ADAM23: variants seen among roughly 807,000 people sequenced by gnomAD.
ADAM23 encodes disintegrin and metalloproteinase domain-containing protein 23.
In ADAM23, 33 loss-of-function variants were observed where a neutral mutation model predicts 120.1. That is an observed-to-expected ratio of 0.27 (90% confidence interval 0.21 to 0.37). The LOEUF is 0.37. Among genes scored for constraint, ADAM23 ranks in the 10% least tolerant of loss-of-function variants. The pLI, the probability that ADAM23 is intolerant of heterozygous loss-of-function variation, is 1.00. For synonymous variants in ADAM23, 367 were observed against 375.2 expected (o/e 0.98, Z 0.25); for missense variants, 862 against 1,058.2 (o/e 0.81, Z 2.57).
Position 206,558,931 on chromosome 2 carries a change from T to G in ADAM23, c.1006-1024T>G, listed in dbSNP as rs1033810485. 2.0e-5 allele frequency among the ~76,000 whole-genome samples: 3 copies of G among 150,746 alleles called. No homozygotes were observed. The Middle Eastern group carries it at 0.01, about 513-fold the overall frequency. On this transcript the variant is annotated intron_variant, in intron 10 of 25. Transcript: ENST00000264377. ...AGATCATCCATTGGTTTTTGTTTGT[T>G]TGTTTGTTTGTTTGTTTGTTTGTTT... is the stretch of plus-strand genomic sequence containing the variant.
At chr2:206,453,638 T>C (rs1695239748) in intron 2 of ADAM23, among the ~76,000 whole-genome samples, 1 of 152,230 alleles carries the variant, frequency 6.6e-6, no homozygotes, top group Non-Finnish European at 1.5e-5. Flanking sequence ...GAAATGCTAT[T>C]ATAAAAAGGC....
intron 2 of ADAM23, among the ~76,000 whole-genome samples, chr2:206,462,267 A>C (rs1437648769): frequency 2.0e-5 from 3 of 152,230 alleles, no homozygotes; most frequent in Non-Finnish European, 2.9e-5. Context: ...ATTTACTTAC[A>C]TGGTCTAAGA....
At chr2:206,559,161 G>T (rs1198086525) in intron 10 of ADAM23, among the ~76,000 whole-genome samples, 2 of 152,230 alleles carry the variant, frequency 1.3e-5, no homozygotes, top group East Asian at 3.9e-4. Context: ...AGCCAGGATG[G>T]TCTTGATCTC....
chr2:206,489,407 T>C (rs746369594), intron 3 of ADAM23, among the ~76,000 whole-genome samples: 6 of 152,156 alleles, frequency 3.9e-5, no homozygotes, highest in Non-Finnish European at 5.9e-5. Flanking sequence ...TCACCTCTGC[T>C]TCAGAGAGCT....
At chr2:206,560,235 G>T (rs1320073174) in intron 11 of ADAM23, 117 bp downstream of exon 11, 2 of 1,111,328 alleles carry the variant, frequency 1.8e-6, no homozygotes, top group Non-Finnish European at 2.5e-6. Flanking sequence ...ATTTCTGTGG[G>T]TTCCTTTGTC....
intron 14 of ADAM23, among the ~76,000 whole-genome samples, chr2:206,566,728 C>G (rs933172491): frequency 6.6e-6 from 1 of 152,020 alleles, no homozygotes; most frequent in Non-Finnish European, 1.5e-5. Context: ...TTAAGGTTTC[C>G]TTGTTTACCT....
chr2:206,509,153 T>G (rs1559240282), intron 3 of ADAM23, among the ~76,000 whole-genome samples: 1 of 152,206 alleles, frequency 6.6e-6, no homozygotes, highest in Non-Finnish European at 1.5e-5. Flanking sequence ...TCAAAAGCAG[T>G]TTTTTTGTAA....
In ADAM23 at chr2:206,618,025, AT is replaced by A. The variant is rs977471889; in HGVS notation, c.*407del. The A allele has an allele frequency of 1.2e-5, 2 of 162,998 alleles. No individual in the cohort carries two copies. The highest frequency in any genetic ancestry group is 2.7e-5 in the Non-Finnish European group (2 of 75,446). The allele number at this position is 162,998 out of a possible 1,614,324, so 10.1% of individuals were successfully genotyped here. A position where few individuals can be genotyped will look rare whatever the true frequency, so the allele number is the denominator to read the frequency against. ...AATATCTTCTAAATGATTTGGCATG[AT>A]TTTTTTTTCTTTACTACCGATGACA... On this transcript the variant is annotated 3_prime_UTR_variant, in exon 26 of 26. Transcript: ENST00000264377.
chr2:206,564,992 T>G, intron 13 of ADAM23, 28 bp from the exon 14 acceptor site: 1 of 1,612,488 alleles, frequency 6.2e-7, no homozygotes, highest in South Asian at 1.1e-5. Flanking sequence ...CTTTTTCTTC[T>G]GTTGCTTTTA....
chr2:206,468,012 G>A (rs1330385469), intron 2 of ADAM23, among the ~76,000 whole-genome samples: 1 of 152,168 alleles, frequency 6.6e-6, no homozygotes. Flanking sequence ...GGGAAGCAGG[G>A]AGCAGTGTCC....
At chr2:206,509,879 G>C (rs1275571038) in intron 3 of ADAM23, among the ~76,000 whole-genome samples, 2 of 152,248 alleles carry the variant, frequency 1.3e-5, no homozygotes, top group Admixed American at 6.5e-5. Context: ...AGTAGTGGCT[G>C]TGTGACACAT....
At chr2:206,506,111 T>TGGG (rs767422776) in intron 3 of ADAM23, among the ~76,000 whole-genome samples, 11 of 152,188 alleles carry the variant, frequency 7.2e-5, no homozygotes, top group Non-Finnish European at 1.5e-4. Flanking sequence ...ACAAAATAAT[T>TGGG]TATTTCCTGT....
chr2:206,558,919 GTTTTTGTT>G (rs551440157), intron 10 of ADAM23, among the ~76,000 whole-genome samples: 379 of 145,812 alleles, frequency 2.6e-3, no homozygotes, highest in African/African-American at 6.4e-3. Flanking sequence ...TCATCCATTG[GTTTTTGTT>G]TGTTTGTTTG....
chr2:206,509,816 T>C lies in ADAM23; in HGVS notation c.510-21069T>C, dbSNP rs530655097. Among the ~76,000 whole-genome samples, 4 of 152,352 alleles carry C rather than the reference T, an allele frequency of 2.6e-5. No homozygotes were observed. In the East Asian group the frequency reaches 7.7e-4, roughly 29 times the overall value. On this transcript the variant is annotated intron_variant, in intron 3 of 25. Coordinates refer to ENST00000264377, the MANE Select transcript of ADAM23 (RefSeq NM_003812.4). ...TGTATTATTTTCATAGTTAAAATTA[T>C]ATAACAAAAAATAAACTATGGTAAT... is the stretch of plus-strand genomic sequence containing the variant.
intron 15 of ADAM23, among the ~76,000 whole-genome samples, chr2:206,567,694 A>C (rs953672733): frequency 6.6e-6 from 1 of 152,168 alleles, no homozygotes; most frequent in Non-Finnish European, 1.5e-5. Context: ...TCTCTGATAA[A>C]AATTCCATTT....
intron 3 of ADAM23, among the ~76,000 whole-genome samples, chr2:206,506,727 G>A (rs1696504079): frequency 1.3e-5 from 2 of 152,192 alleles, no homozygotes; most frequent in South Asian, 2.1e-4. Context: ...GAAGGGTAAA[G>A]CCCGTCATGC....
At chr2:206,562,151 C>A in intron 12 of ADAM23, 52 bp from the exon 13 acceptor site, 1 of 1,453,594 alleles carries the variant, frequency 6.9e-7, no homozygotes, top group Non-Finnish European at 9.6e-7. Context: ...TAATAACTAG[C>A]TTTGTGCACT....
chr2:206,450,423 A>T (rs1257613256), intron 2 of ADAM23, among the ~76,000 whole-genome samples: 1 of 152,198 alleles, frequency 6.6e-6, no homozygotes, highest in African/African-American at 2.4e-5. Context: ...CTTGGCATGT[A>T]GTAGGCCTTC....
chr2:206,463,221 G>A lies in ADAM23; in HGVS notation c.432+17697G>A, dbSNP rs556977919. On this transcript the variant is annotated intron_variant, in intron 2 of 25. Transcript: ENST00000264377. ...ATGACTAAATTGAGGCTACTGAGATGGGAGTATATCCTGGATTATCTGGGT... is the reference window on the plus strand; with the variant it reads ...ATGACTAAATTGAGGCTACTGAGATAGGAGTATATCCTGGATTATCTGGGT... 5.9e-5 allele frequency among the ~76,000 whole-genome samples: 9 copies of A among 152,358 alleles called. No individual in the cohort carries two copies. In the South Asian group the frequency reaches 1.9e-3, roughly 32 times the overall value.
Sources: allele counts gnomAD v4.1 joint callset (sites outside exome capture counted in the v4.1 genomes callset), GRCh38; gene constraint gnomAD v4.1.1; transcripts MANE v1.5; gene names NCBI Gene and HGNC (gene_info 2026-07-23, HGNC 2026-07-21).